The following TRDN variants were observed in gnomAD, a reference collection of about 807,000 sequenced individuals.
TRDN encodes triadin.
A neutral mutation model predicts 149.7 loss-of-function variants in TRDN; 161 were observed. The observed-to-expected ratio is 1.08, with a 90% confidence interval of 0.95 to 1.23. The LOEUF is 1.23. Among genes scored for constraint, TRDN ranks in the 50% most tolerant of loss-of-function variants. The probability of loss-of-function intolerance (pLI) is 0.00; values close to 1 mark genes in which losing one functional copy is unlikely to be tolerated. For synonymous variants in TRDN, 294 were observed against 250.5 expected (o/e 1.17, Z -1.64); for missense variants, 896 against 823.5 (o/e 1.09, Z -1.08).
At chr6:123,458,613 T>A (rs1164925762) in intron 10 of TRDN, among the ~76,000 whole-genome samples, 1 of 152,180 alleles carries the variant, frequency 6.6e-6, no homozygotes, top group Non-Finnish European at 1.5e-5. Context: ...ATAAATAATA[T>A]TTTCTCAATA....
chr6:123,311,994 A>G (rs1778844104), intron 24 of TRDN, among the ~76,000 whole-genome samples: 1 of 152,000 alleles, frequency 6.6e-6, no homozygotes. Context: ...AAGATAATTT[A>G]ATGAAGATGA....
At chr6:123,607,310 T>C (rs891638860) in intron 1 of TRDN, among the ~76,000 whole-genome samples, 2 of 152,230 alleles carry the variant, frequency 1.3e-5, no homozygotes, top group East Asian at 3.8e-4. Context: ...AAAGCAGCAT[T>C]GTGCTGGAAG....
At position 123,230,266 on chromosome 6, in the gene TRDN, T is replaced by C. The variant is rs540276472; in HGVS notation, c.1976-6135A>G. 2.6e-5 allele frequency among the ~76,000 whole-genome samples: 4 copies of C among 151,924 alleles called. No individual in the cohort carries two copies. In the South Asian group the frequency reaches 8.3e-4, roughly 31 times the overall value. Reference sequence around the variant, plus strand: ...CATGGATGAACCTGGAAACCATCATTCTCAGCAAACTATCGCAGGGACAAA... The same window carrying C: ...CATGGATGAACCTGGAAACCATCATCCTCAGCAAACTATCGCAGGGACAAA... On this transcript the variant is annotated intron_variant, in intron 38 of 40. Coordinates refer to ENST00000334268, the MANE Select transcript of TRDN (RefSeq NM_006073.4).
At chr6:123,312,920 G>A (rs1160064265) in intron 24 of TRDN, among the ~76,000 whole-genome samples, 2 of 151,920 alleles carry the variant, frequency 1.3e-5, no homozygotes, top group Non-Finnish European at 2.9e-5. Flanking sequence ...ACATATGGTA[G>A]TGACATTAGC....
chr6:123,308,683 T>C (rs1778705085), intron 24 of TRDN, among the ~76,000 whole-genome samples: 1 of 152,010 alleles, frequency 6.6e-6, no homozygotes, highest in Non-Finnish European at 1.5e-5. Flanking sequence ...CAACTTCTAG[T>C]TAATCACCTT....
intron 33 of TRDN, among the ~76,000 whole-genome samples, chr6:123,264,675 C>CAAAG (rs113625483): frequency 0.85 from 128,389 of 151,516 alleles, 54,567 homozygotes; most frequent in East Asian, 0.96. Flanking sequence ...AATCTTTTGT[C>CAAAG]AGTCAATCAA....
intron 8 of TRDN, among the ~76,000 whole-genome samples, chr6:123,499,719 A>AAAAAAATATATATATATATATATAT: frequency 4.2e-5 from 2 of 47,638 alleles, no homozygotes; most frequent in East Asian, 5.2e-4. Flanking sequence ...AAAAAAAAAA[A>AAAAAAATATATATATATATATATAT]ATATATATAT....
chr6:123,301,627 G>A (rs1239075543), intron 24 of TRDN, among the ~76,000 whole-genome samples: 1 of 150,856 alleles, frequency 6.6e-6, no homozygotes, highest in Non-Finnish European at 1.5e-5. Flanking sequence ...GGCTTAGTAA[G>A]TACTCAATAA....
At chr6:123,454,468 T>C (rs1378580388) in intron 10 of TRDN, among the ~76,000 whole-genome samples, 1 of 152,176 alleles carries the variant, frequency 6.6e-6, no homozygotes, top group African/African-American at 2.4e-5. Context: ...CACATGAGCT[T>C]GTATGCACTA....
chr6:123,354,616 A>G (rs1481991555), intron 20 of TRDN, among the ~76,000 whole-genome samples: 2 of 151,914 alleles, frequency 1.3e-5, no homozygotes, highest in Non-Finnish European at 2.9e-5. Context: ...AGAAATACAT[A>G]TCTGAAGAAA....
chr6:123,580,026 C>T (rs1381198984), intron 1 of TRDN, among the ~76,000 whole-genome samples: 1 of 152,142 alleles, frequency 6.6e-6, no homozygotes, highest in Non-Finnish European at 1.5e-5. Context: ...CAGTCTCAGG[C>T]AGTTCTTTAT....
At chr6:123,463,349 A>T (rs373866268) in intron 10 of TRDN, among the ~76,000 whole-genome samples, 155 of 143,582 alleles carry the variant, frequency 1.1e-3, no homozygotes, top group East Asian at 2.0e-3. Context: ...AGAAAAAAAA[A>T]AAATAAATAA....
At chr6:123,445,075 G>A (rs1775228953) in intron 10 of TRDN, 1 of 151,662 alleles carries the variant, frequency 6.6e-6, no homozygotes, top group African/African-American at 2.4e-5. Flanking sequence ...CTATTGATTG[G>A]AATAGTTTCA....
intron 39 of TRDN, among the ~76,000 whole-genome samples, chr6:123,222,947 T>C (rs1775205920): frequency 6.6e-6 from 1 of 151,768 alleles, no homozygotes. Context: ...CACAATAAGA[T>C]AACATCTCAC....
intron 2 of TRDN, among the ~76,000 whole-genome samples, chr6:123,558,922 G>C (rs1336666009): frequency 2.0e-5 from 3 of 152,232 alleles, no homozygotes; most frequent in Non-Finnish European, 4.4e-5. Flanking sequence ...ACAAGTGCCG[G>C]AAATCCGGCC....
At chr6:123,486,532 T>C (rs1024620682) in intron 9 of TRDN, among the ~76,000 whole-genome samples, 3 of 152,028 alleles carry the variant, frequency 2.0e-5, no homozygotes, top group Non-Finnish European at 2.9e-5. Flanking sequence ...ATGTTCTGTC[T>C]CACAGAATCA....
chr6:123,388,487 A>G, intron 14 of TRDN, 35 bp downstream of exon 14: 1 of 1,576,116 alleles, frequency 6.3e-7, no homozygotes, highest in South Asian at 1.2e-5. Flanking sequence ...AATTGTACTC[A>G]CAAAAGGCTC....
chr6:123,585,119 G>A (rs1783388207), intron 1 of TRDN, among the ~76,000 whole-genome samples: 2 of 147,340 alleles, frequency 1.4e-5, no homozygotes, highest in South Asian at 4.5e-4. Context: ...AGGGAGTAGA[G>A]GTATCTTATA....
At chr6:123,618,917 T>C (rs1562134631) in intron 1 of TRDN, among the ~76,000 whole-genome samples, 1 of 152,150 alleles carries the variant, frequency 6.6e-6, no homozygotes, top group African/African-American at 2.4e-5. Context: ...CTCAAACATT[T>C]TATTATAATA....
Sources: gnomAD v4.1 joint callset for allele counts (sites outside exome capture counted in the v4.1 genomes callset) on GRCh38, gnomAD v4.1.1 for gene constraint, MANE v1.5 for transcripts, NCBI Gene and HGNC (gene_info 2026-07-23, HGNC 2026-07-21) for gene names.